Variants in DTWD2 observed in about 807,000 individuals in gnomAD.
DTWD2 encodes DTW motif tRNA-uridine aminocarboxypropyltransferase 2.
In DTWD2, 39 loss-of-function variants were observed where a neutral mutation model predicts 31.8. That is an observed-to-expected ratio of 1.22 (90% CI 0.95 to 1.60). The LOEUF is 1.60. DTWD2 is among the 40% of genes most tolerant of loss of function. The pLI is 0.00. For synonymous variants in DTWD2, 180 were observed against 142.8 expected, an observed-to-expected ratio of 1.26 and a Z score of -1.86; for missense variants, 515 against 381.5, an observed-to-expected ratio of 1.35 and a Z score of -2.92.
chr5:118,900,218 T>G (rs1278861277), intron 4 of DTWD2, among the ~76,000 whole-genome samples: 1 of 152,228 alleles, frequency 6.6e-6, no homozygotes, highest in Admixed American at 6.5e-5. Flanking sequence ...CCATTACATA[T>G]ACCACCATTT....
chr5:118,856,363 T>C (rs994292075), intron 4 of DTWD2, among the ~76,000 whole-genome samples: 3 of 152,224 alleles, frequency 2.0e-5, no homozygotes, highest in African/African-American at 7.2e-5. Flanking sequence ...TATCTTACAG[T>C]ATCCCTGTCT....
intron 4 of DTWD2, among the ~76,000 whole-genome samples, chr5:118,920,131 G>A (rs765934997): frequency 3.3e-5 from 5 of 152,026 alleles, no homozygotes; most frequent in Non-Finnish European, 7.4e-5. Context: ...AAAAAGACTG[G>A]GGACTGCTGG....
chr5:118,856,925 A>G (rs2149542498), intron 4 of DTWD2, among the ~76,000 whole-genome samples: 2 of 151,642 alleles, frequency 1.3e-5, no homozygotes, highest in South Asian at 4.2e-4. Flanking sequence ...GGTACCTGCC[A>G]CCACGCCCAA....
intron 3 of DTWD2, among the ~76,000 whole-genome samples, chr5:118,935,263 T>C (rs1022118226): frequency 6.6e-6 from 1 of 152,322 alleles, no homozygotes; most frequent in Middle Eastern, 3.4e-3. Flanking sequence ...ATATCCTTTA[T>C]CATAAACTGG....
At chr5:118,874,606 A>C (rs1260756663) in intron 4 of DTWD2, among the ~76,000 whole-genome samples, 10 of 152,200 alleles carry the variant, frequency 6.6e-5, no homozygotes, top group Admixed American at 5.9e-4. Context: ...GGAGGAAAGA[A>C]TCTCAGAGCT....
chr5:118,979,569 C>A lies in DTWD2; in HGVS notation c.218+8725G>T, dbSNP rs771883524. 1.1e-3 allele frequency among the ~76,000 whole-genome samples: 170 copies of A among 152,112 alleles called. 3 individuals are homozygous for A. Among genetic ancestry groups the A allele is most frequent in the Non-Finnish European group, 1.6e-4 (11 of 68,030 alleles). On this transcript the variant is annotated intron_variant, in intron 1 of 5. Transcript: ENST00000510708. ...GATATATGCATGCGTATGTTCACTGCAGCACAATTCATAATAGCAAAGACA... is the reference window on the plus strand; with the variant it reads ...GATATATGCATGCGTATGTTCACTGAAGCACAATTCATAATAGCAAAGACA...
intron 1 of DTWD2, among the ~76,000 whole-genome samples, chr5:118,961,296 T>C (rs894491040): frequency 6.6e-6 from 1 of 152,230 alleles, no homozygotes; most frequent in African/African-American, 2.4e-5. Flanking sequence ...TTTCTTTTTA[T>C]AGAAATATAA....
chr5:118,892,324 T>C (rs1489095839), intron 4 of DTWD2, among the ~76,000 whole-genome samples: 1 of 152,166 alleles, frequency 6.6e-6, no homozygotes, highest in African/African-American at 2.4e-5. Context: ...TACTTTCCTT[T>C]AATATTCACA....
At position 118,948,870 on chromosome 5, in the gene DTWD2, C is replaced by G. The variant is rs191415419; in HGVS notation, c.219-4221G>C. On this transcript the variant is annotated intron_variant, in intron 1 of 5. Transcript: ENST00000510708. Reference sequence around the variant, plus strand: ...AGTTTCTTTTTGTGAGTTTATATAACGGTTTAGTCAGGATGGCAAAACCAG... The same window carrying G: ...AGTTTCTTTTTGTGAGTTTATATAAGGGTTTAGTCAGGATGGCAAAACCAG... 4.5e-3 allele frequency among the ~76,000 whole-genome samples: 690 copies of G among 151,990 alleles called. 7 individuals are homozygous for G. Among genetic ancestry groups the G allele is most frequent in the African/African-American group, 0.016 (657 of 41,418 alleles).
chr5:118,957,237 T>C (rs1251164243), intron 1 of DTWD2, among the ~76,000 whole-genome samples: 5 of 152,066 alleles, frequency 3.3e-5, no homozygotes, highest in Admixed American at 6.5e-5. Flanking sequence ...TTTTTTTTTT[T>C]CTGAGACATA....
chr5:118,885,508 G>A (rs1752842809), intron 4 of DTWD2, among the ~76,000 whole-genome samples: 1 of 146,396 alleles, frequency 6.8e-6, no homozygotes, highest in African/African-American at 2.6e-5. Flanking sequence ...GCTCACACCT[G>A]TAATCCCAGC....
At chr5:118,935,009 G>T (rs1580419758) in intron 3 of DTWD2, among the ~76,000 whole-genome samples, 1 of 152,112 alleles carries the variant, frequency 6.6e-6, no homozygotes, top group South Asian at 2.1e-4. Context: ...CAGCTCCAGG[G>T]TGGGATTAGT....
intron 4 of DTWD2, among the ~76,000 whole-genome samples, chr5:118,885,691 G>A (rs1435389706): frequency 4.0e-5 from 6 of 151,360 alleles, no homozygotes; most frequent in African/African-American, 1.2e-4. Flanking sequence ...TCTTGAACTC[G>A]GGAGGCAGAG....
intron 1 of DTWD2, among the ~76,000 whole-genome samples, chr5:118,959,471 G>A (rs914484503): frequency 3.3e-5 from 5 of 152,152 alleles, no homozygotes; most frequent in Admixed American, 2.6e-4. Flanking sequence ...AAATAGAAAA[G>A]CATCCCAAGC....
chr5:118,843,579 A>C (rs946099954), intron 5 of DTWD2, among the ~76,000 whole-genome samples: 2 of 152,226 alleles, frequency 1.3e-5, no homozygotes, highest in African/African-American at 4.8e-5. Flanking sequence ...TGAACCCAGG[A>C]AACATACCTA....
At chr5:118,937,619 A>G (rs1754074265) in intron 3 of DTWD2, among the ~76,000 whole-genome samples, 2 of 152,194 alleles carry the variant, frequency 1.3e-5, no homozygotes, top group Non-Finnish European at 1.5e-5. Flanking sequence ...CCTAAAGGTC[A>G]ATACCAGAGT....
intron 4 of DTWD2, among the ~76,000 whole-genome samples, chr5:118,870,651 G>T (rs1446317962): frequency 6.6e-6 from 1 of 152,152 alleles, no homozygotes; most frequent in Admixed American, 6.5e-5. Flanking sequence ...CTTTGGTGGA[G>T]GGTCTTGTCT....
intron 3 of DTWD2, among the ~76,000 whole-genome samples, chr5:118,938,185 T>TAA (rs1195261188): frequency 6.6e-6 from 1 of 151,880 alleles, no homozygotes; most frequent in Admixed American, 6.6e-5. Flanking sequence ...AACATTATAC[T>TAA]AAAGGTATCA....
intron 4 of DTWD2, among the ~76,000 whole-genome samples, chr5:118,858,970 T>G (rs966946998): frequency 6.6e-6 from 1 of 152,182 alleles, no homozygotes; most frequent in African/African-American, 2.4e-5. Context: ...TATTTCCCAT[T>G]GTATCACATT....
Sources: gnomAD v4.1 joint callset for allele counts (sites outside exome capture counted in the v4.1 genomes callset) on GRCh38, gnomAD v4.1.1 for gene constraint, MANE v1.5 for transcripts, NCBI Gene and HGNC (gene_info 2026-07-23, HGNC 2026-07-21) for gene names.